LRRK1: variants seen among roughly 807,000 people sequenced by gnomAD.
The protein encoded by LRRK1 is leucine rich repeat kinase 1, also known as leucine-rich repeat serine/threonine-protein kinase 1.
LRRK1 carries 113 observed loss-of-function variants against 209.1 expected under a neutral mutation model. The observed-to-expected ratio is 0.54, with a 90% CI of 0.46 to 0.63. The LOEUF (loss-of-function observed/expected upper bound fraction) is 0.63, where lower values mean the gene tolerates loss of function less well. Ranked by LOEUF, LRRK1 falls within the 30% of genes least tolerant of loss-of-function variation. LRRK1 has a pLI of 0.00. For synonymous variants in LRRK1, 1,144 were observed against 1,099.7 expected (o/e 1.04, Z -0.80); for missense variants, 2,284 against 2,632.2 (o/e 0.87, Z 2.89).
At chr15:101,057,864 G>A (rs2035901691) in intron 28 of LRRK1, 126 bp from the exon 29 acceptor site, 1 of 1,051,382 alleles carries the variant, frequency 9.5e-7, no homozygotes, top group South Asian at 1.5e-5. Flanking sequence ...CTCTTGTTTG[G>A]ATCTAGTCTG....
intron 2 of LRRK1, among the ~76,000 whole-genome samples, chr15:100,946,418 T>G (rs780848820): frequency 1.3e-5 from 2 of 152,094 alleles, no homozygotes; most frequent in African/African-American, 2.4e-5. Context: ...GAGAAAGCAA[T>G]GGAACAGTGT....
intron 2 of LRRK1, among the ~76,000 whole-genome samples, chr15:100,962,910 A>G (rs1365023203): frequency 7.3e-6 from 1 of 137,748 alleles, no homozygotes; most frequent in African/African-American, 2.8e-5. Context: ...CACAACCTCT[A>G]CCTCCCGAGT....
Position 101,020,092 on chromosome 15 carries a change from C to T in LRRK1, c.1610-961C>T, listed in dbSNP as rs992518230. On this transcript the variant is annotated intron_variant, in intron 12 of 33. Coordinates refer to ENST00000388948, the MANE Select transcript of LRRK1 (RefSeq NM_024652.6). The stretch of plus-strand genomic sequence containing the variant: ...TAGCTTTTTTTCATGGAAAAAGCAA[C>T]GCATGTATATTTTAAAACACCGTTT... 3.9e-5 allele frequency among the ~76,000 whole-genome samples: 6 copies of T among 152,082 alleles called. No individual in the cohort carries two copies. In the East Asian group the frequency reaches 5.8e-4, roughly 15 times the overall value.
In LRRK1 at chr15:101,048,363, C is replaced by A. The variant is rs1048660761; in HGVS notation, c.3136-131C>A. 198 of 695,766 alleles carry A rather than the reference C, an allele frequency of 2.8e-4. 1 individual carries two copies. Among genetic ancestry groups the A allele is most frequent in the Middle Eastern group, 1.7e-3 (5 of 2,906 alleles). The allele number at this position is 695,766 out of a possible 1,614,324, so 43.1% of individuals were successfully genotyped here. A position where few individuals can be genotyped will look rare whatever the true frequency, so the allele number is the denominator to read the frequency against. ...TCAATTTGGCAGCAGGGATGAGCAG[C>A]GTGGGAGGAGAGGGTGGGAAAGATG... On this transcript the variant is annotated intron_variant, in intron 21 of 33. Transcript: ENST00000388948.
chr15:100,925,270 C>T (rs776193965), intron 2 of LRRK1, among the ~76,000 whole-genome samples: 10 of 152,320 alleles, frequency 6.6e-5, no homozygotes, highest in Admixed American at 1.3e-4. Context: ...CTTAGGGCAC[C>T]ACCTGGCTCC....
chr15:100,962,309 C>G (rs1202522283), intron 2 of LRRK1, among the ~76,000 whole-genome samples: 1 of 152,086 alleles, frequency 6.6e-6, no homozygotes, highest in Non-Finnish European at 1.5e-5. Flanking sequence ...GCGGGTGGAT[C>G]ACTTGAGGTC....
At chr15:100,934,807 A>G (rs1429870740) in intron 2 of LRRK1, among the ~76,000 whole-genome samples, 1 of 150,396 alleles carries the variant, frequency 6.6e-6, no homozygotes, top group Non-Finnish European at 1.5e-5. Context: ...TGTCTCAAAA[A>G]AAAAAAAAAA....
chr15:101,059,315 T>C (rs1025868545), intron 29 of LRRK1, among the ~76,000 whole-genome samples: 1 of 152,154 alleles, frequency 6.6e-6, no homozygotes, highest in African/African-American at 2.4e-5. Flanking sequence ...GGAGGATTAC[T>C]TGAACCCAGG....
chr15:101,003,254 A>T (rs1245993070), intron 6 of LRRK1, among the ~76,000 whole-genome samples: 1 of 152,204 alleles, frequency 6.6e-6, no homozygotes, highest in Non-Finnish European at 1.5e-5. Context: ...ACATTTTTGC[A>T]GACTTCTGCT....
rs55739947 is a variant in LRRK1 at position 101,010,802 on chromosome 15, C to A, written c.1246C>A (p.Leu416Met). The A allele has an allele frequency of 0.01, 16,424 of 1,613,954 alleles. 112 individuals carry two copies. Among genetic ancestry groups the A allele is most frequent in the Middle Eastern group, 0.039 (237 of 6,062 alleles). Reference protein sequence around the residue: ...LNSLNVSRNNLKVFPDPWACP... With the variant: ...LNSLNVSRNNMKVFPDPWACP... ...TTCTCTGAATGTCTCCAGAAACAAC[C>A]TGAAGGTGTTTCCAGATCCCTGGGC... The change falls in exon 9 of 34, where the codon CTG (leucine) becomes ATG (methionine). Residue 416 changes from leucine to methionine, a missense_variant. By Grantham distance (15) the Leu-to-Met change is conservative. Around this residue, in one of 6 missense-constraint regions of LRRK1, gnomAD observed 494 missense variants for 522.1 expected, o/e 0.95. Coordinates refer to ENST00000388948, the MANE Select transcript of LRRK1 (RefSeq NM_024652.6).
Position 101,058,043 on chromosome 15 carries a change from C to T in LRRK1, c.4581C>T (p.Thr1527=), listed in dbSNP as rs1468888582. Residue 1527 remains threonine, a synonymous_variant, in exon 29 of 34, where the codon ACC becomes ACT. Coordinates refer to ENST00000388948, the MANE Select transcript of LRRK1 (RefSeq NM_024652.6). ...VSQMKDPTFA[T]FMYELCCGKQ... ...AGATGAAGGACCCGACTTTTGCCAC[C>T]TTCATGTATGAACTGTGCTGTGGGA... 2 of 1,614,178 alleles carry T rather than the reference C, an allele frequency of 1.2e-6. No individual in the cohort carries two copies. The highest frequency in any genetic ancestry group is 1.7e-5 in the Admixed American group (1 of 60,030).
intron 11 of LRRK1, 94 bp from the exon 12 acceptor site, chr15:101,015,232 C>A: frequency 1.0e-6 from 1 of 962,380 alleles, no homozygotes; most frequent in Non-Finnish European, 1.6e-6. Flanking sequence ...ATGAATTGCT[C>A]CCTATCTCCG....
At position 101,010,489 on chromosome 15, in the gene LRRK1, C is replaced by T. The variant is rs774950992; in HGVS notation, c.1029C>T (p.His343=). 3 of 1,612,236 alleles carry T rather than the reference C, an allele frequency of 1.9e-6. No individual in the cohort carries two copies. The highest frequency in any genetic ancestry group is 2.2e-5 in the South Asian group (2 of 89,928). Residue 343 remains histidine, a synonymous_variant, in exon 8 of 34, where the codon CAC becomes CAT. Coordinates refer to ENST00000388948, the MANE Select transcript of LRRK1 (RefSeq NM_024652.6). ...EIDISSNKLS[H]LPPGFLHLSK... ...ACATTTCCAGCAACAAGTTGTCCCA[C>T]CTCCCTCCTGGATTCTTGCACCTCT...
Position 101,008,879 on chromosome 15 carries a change from G to C in LRRK1, c.805G>C (p.Asp269His), listed in dbSNP as rs2033105932. Residue 269 changes from aspartate to histidine, a missense_variant, in exon 7 of 34, where the codon GAC (aspartate) becomes CAC (histidine). Asp to His is a moderately conservative substitution (Grantham distance 81). Coordinates refer to ENST00000388948, the MANE Select transcript of LRRK1 (RefSeq NM_024652.6). ...KWSHLRLPWV[D>H]LDWLIDISCQ... ...GTCCCATCTCAGACTGCCCTGGGTA[G>C]ACCTAGACTGGCTCATAGACATCTC... 6.2e-7 allele frequency: 1 copy of C among 1,614,076 alleles called. No individual in the cohort carries two copies. The highest frequency in any genetic ancestry group is 8.5e-7 in the Non-Finnish European group (1 of 1,180,040).
intron 2 of LRRK1, among the ~76,000 whole-genome samples, chr15:100,947,990 A>T (rs1483865561): frequency 6.6e-6 from 1 of 152,252 alleles, no homozygotes; most frequent in East Asian, 1.9e-4. Flanking sequence ...TGAAGTCTTT[A>T]AGACAGTTGC....
intron 4 of LRRK1, among the ~76,000 whole-genome samples, chr15:100,985,652 C>T (rs1248554455): frequency 6.6e-6 from 1 of 152,208 alleles, no homozygotes; most frequent in East Asian, 1.9e-4. Context: ...ACTTGGGTTG[C>T]CTGCTTTTGC....
At chr15:100,926,692 T>C (rs1209417016) in intron 2 of LRRK1, among the ~76,000 whole-genome samples, 8 of 139,080 alleles carry the variant, frequency 5.8e-5, no homozygotes, top group Non-Finnish European at 1.1e-4. Context: ...TTTTTTTTTT[T>C]TTTTTTTTTT....
chr15:101,058,266 G>A (rs992339910), intron 29 of LRRK1, 125 bp downstream of exon 29: 23 of 882,620 alleles, frequency 2.6e-5, no homozygotes, highest in Non-Finnish European at 3.8e-5. Flanking sequence ...TCCAGAACCT[G>A]GTTAGACTGC....
intron 2 of LRRK1, among the ~76,000 whole-genome samples, chr15:100,932,252 C>T (rs575421309): frequency 1.3e-5 from 2 of 152,216 alleles, no homozygotes; most frequent in African/African-American, 2.4e-5. Flanking sequence ...TCCCAAAGTG[C>T]TGAGATTACA....
Sources: allele counts gnomAD v4.1 joint callset (sites outside exome capture counted in the v4.1 genomes callset), GRCh38; gene constraint gnomAD v4.1.1; regional missense constraint gnomAD v4.1.1; transcripts MANE v1.5; gene names NCBI Gene and HGNC (gene_info 2026-07-23, HGNC 2026-07-21).